Variants in ADAMTS12 observed in about 807,000 individuals in gnomAD.
The protein encoded by ADAMTS12 is A disintegrin and metalloproteinase with thrombospondin motifs 12.
Under a neutral mutation model 167.8 loss-of-function variants are expected in ADAMTS12, and 118 were observed. That is an observed-to-expected ratio of 0.70 (90% CI 0.61 to 0.82). ADAMTS12 has a LOEUF of 0.82. ADAMTS12 is among the 40% of genes least tolerant of loss of function. The pLI is 0.00. For synonymous variants in ADAMTS12, 704 were observed against 716.9 expected, an observed-to-expected ratio of 0.98 and a Z score of 0.29; for missense variants, 1,916 against 1,998.8, an observed-to-expected ratio of 0.96 and a Z score of 0.79.
intron 18 of ADAMTS12, among the ~76,000 whole-genome samples, chr5:33,583,094 ATT>A (rs60789233): frequency 0.016 from 2,474 of 151,350 alleles, 29 homozygotes; most frequent in Middle Eastern, 0.031. Flanking sequence ...CATTCTTTCT[ATT>A]TTTTTTTTGT....
intron 6 of ADAMTS12, among the ~76,000 whole-genome samples, chr5:33,660,218 A>G (rs1228099815): frequency 6.6e-6 from 1 of 152,184 alleles, no homozygotes; most frequent in Middle Eastern, 3.2e-3. Flanking sequence ...ACTATAAGAA[A>G]AAAAGGAGAT....
At chr5:33,790,572 GA>G (rs1048190286) in intron 2 of ADAMTS12, among the ~76,000 whole-genome samples, 2 of 139,898 alleles carry the variant, frequency 1.4e-5, no homozygotes, top group Non-Finnish European at 3.1e-5. Context: ...AAAAAAAAAA[GA>G]AAAAAGAAAA....
At position 33,554,900 on chromosome 5, in the gene ADAMTS12, C is replaced by A. The variant is rs141401604; in HGVS notation, c.4126-5517G>T. Among the ~76,000 whole-genome samples the A allele has an allele frequency of 2.1e-3, 324 of 152,240 alleles. 2 individuals carry two copies. The highest frequency in any genetic ancestry group is 7.3e-3 in the African/African-American group (305 of 41,550). Reference sequence around the variant, plus strand: ...CTTTCTGTTACTTTCCAGCAAATAACTTAGATGATAAAGTTACCGCTAAAA... The same window carrying A: ...CTTTCTGTTACTTTCCAGCAAATAAATTAGATGATAAAGTTACCGCTAAAA... On this transcript the variant is annotated intron_variant, in intron 20 of 23. Coordinates refer to ENST00000504830, the MANE Select transcript of ADAMTS12 (RefSeq NM_030955.4).
At chr5:33,578,318 G>A (rs966905943) in intron 18 of ADAMTS12, among the ~76,000 whole-genome samples, 2 of 152,126 alleles carry the variant, frequency 1.3e-5, no homozygotes, top group African/African-American at 4.8e-5. Context: ...CTGTTATTCT[G>A]CCTCCCACAA....
intron 2 of ADAMTS12, among the ~76,000 whole-genome samples, chr5:33,876,808 C>T (rs753202879): frequency 6.6e-6 from 1 of 152,186 alleles, no homozygotes; most frequent in Admixed American, 6.5e-5. Context: ...AAAATCCTGG[C>T]TGTGATACTG....
At chr5:33,733,700 T>C (rs181512674) in intron 3 of ADAMTS12, among the ~76,000 whole-genome samples, 1 of 152,286 alleles carries the variant, frequency 6.6e-6, no homozygotes, top group East Asian at 1.9e-4. Context: ...AAAGCATCCT[T>C]GTGACCCAGA....
At chr5:33,771,839 T>TTTC (rs1405325413) in intron 2 of ADAMTS12, among the ~76,000 whole-genome samples, 2 of 142,418 alleles carry the variant, frequency 1.4e-5, no homozygotes, top group African/African-American at 5.4e-5. Context: ...TCTTTCTTTC[T>TTTC]TTTTTTTTTT....
chr5:33,672,335 CAT>C (rs1306296425), intron 5 of ADAMTS12, among the ~76,000 whole-genome samples: 2 of 151,748 alleles, frequency 1.3e-5, no homozygotes, highest in African/African-American at 4.8e-5. Flanking sequence ...TACACACACA[CAT>C]ACATACACAC....
intron 2 of ADAMTS12, among the ~76,000 whole-genome samples, chr5:33,799,474 G>A (rs1746910703): frequency 6.6e-6 from 1 of 152,086 alleles, no homozygotes; most frequent in Non-Finnish European, 1.5e-5. Flanking sequence ...CTCTGCAACT[G>A]CCTGGAGTGC....
intron 2 of ADAMTS12, among the ~76,000 whole-genome samples, chr5:33,834,558 C>A (rs868685865): frequency 6.6e-6 from 1 of 152,184 alleles, no homozygotes; most frequent in African/African-American, 2.4e-5. Flanking sequence ...CCTCTATGAA[C>A]TCTTAGCTTG....
intron 3 of ADAMTS12, among the ~76,000 whole-genome samples, chr5:33,745,648 C>A (rs538016512): frequency 2.0e-5 from 3 of 151,900 alleles, no homozygotes; most frequent in African/African-American, 7.3e-5. Flanking sequence ...AACCCAGACA[C>A]CTGAAGTGAT....
chr5:33,748,242 G>A (rs1744859025), intron 3 of ADAMTS12, among the ~76,000 whole-genome samples: 1 of 152,142 alleles, frequency 6.6e-6, no homozygotes, highest in Non-Finnish European at 1.5e-5. Context: ...AAAAGCCTTA[G>A]AGAAAGGAGC....
At chr5:33,531,523 A>G (rs1744101110) in intron 23 of ADAMTS12, among the ~76,000 whole-genome samples, 1 of 152,224 alleles carries the variant, frequency 6.6e-6, no homozygotes, top group Non-Finnish European at 1.5e-5. Context: ...AATTGACCCA[A>G]CATCACACAG....
chr5:33,818,246 T>C (rs915031046), intron 2 of ADAMTS12, among the ~76,000 whole-genome samples: 4 of 152,074 alleles, frequency 2.6e-5, no homozygotes, highest in African/African-American at 9.7e-5. Flanking sequence ...GCTGTTTTCA[T>C]CCTTTGACCT....
At chr5:33,796,946 T>C (rs1746797741) in intron 2 of ADAMTS12, among the ~76,000 whole-genome samples, 1 of 152,226 alleles carries the variant, frequency 6.6e-6, no homozygotes, top group Admixed American at 6.5e-5. Context: ...TGATTGTTGA[T>C]GGATAGAGAC....
chr5:33,764,924 C>T (rs911568123), intron 2 of ADAMTS12, among the ~76,000 whole-genome samples: 2 of 151,702 alleles, frequency 1.3e-5, no homozygotes, highest in African/African-American at 4.9e-5. Flanking sequence ...TGCCTACAAA[C>T]AGTTTAAAGC....
intron 20 of ADAMTS12, 90 bp downstream of exon 20, chr5:33,560,937 A>T: frequency 1.4e-6 from 2 of 1,408,164 alleles, no homozygotes; most frequent in Non-Finnish European, 1.9e-6. Flanking sequence ...AAAAAAAAAA[A>T]CGACTTTAGC....
At chr5:33,789,181 TCA>T (rs1746437860) in intron 2 of ADAMTS12, among the ~76,000 whole-genome samples, 1 of 145,586 alleles carries the variant, frequency 6.9e-6, no homozygotes, top group African/African-American at 2.7e-5. Context: ...GAAAGGTCTC[TCA>T]CACACACTCA....
At chr5:33,881,523 T>C (rs754303945) in intron 1 of ADAMTS12, 43 bp from the exon 2 acceptor site, 1 of 1,569,092 alleles carries the variant, frequency 6.4e-7, no homozygotes, top group Non-Finnish European at 8.6e-7. Flanking sequence ...GGGAGATTGG[T>C]AGTAAAGCAA....
Sources: allele counts gnomAD v4.1 joint callset (sites outside exome capture counted in the v4.1 genomes callset), GRCh38; gene constraint gnomAD v4.1.1; transcripts MANE v1.5; gene names NCBI Gene and HGNC (gene_info 2026-07-23, HGNC 2026-07-21).